PLIN2: variants seen among roughly 807,000 people sequenced by gnomAD.
The protein encoded by PLIN2 is perilipin-2.
PLIN2 carries 33 observed loss-of-function variants against 30.6 expected under a neutral mutation model. The observed-to-expected ratio is 1.08, with a 90% confidence interval of 0.82 to 1.44. PLIN2 has a LOEUF of 1.44. PLIN2 is among the 40% of genes most tolerant of loss of function. The pLI, the probability that PLIN2 is intolerant of heterozygous loss-of-function variation, is 0.00. For synonymous variants in PLIN2, 205 were observed against 201.1 expected, an observed-to-expected ratio of 1.02 and a Z score of -0.16; for missense variants, 610 against 531.8, an observed-to-expected ratio of 1.15 and a Z score of -1.45.
At chr9:19,108,469 G>A (rs1039155009) in exon 3 of PLIN2, 8 of 152,322 alleles carry the variant, frequency 5.3e-5, no homozygotes, top group African/African-American at 1.7e-4. Flanking sequence ...TCTTACAAAA[G>A]TTTAGATCAG....
intron 4 of PLIN2, among the ~76,000 whole-genome samples, chr9:19,122,830 C>T (rs1818340188): frequency 6.6e-6 from 1 of 152,052 alleles, no homozygotes; most frequent in African/African-American, 2.4e-5. Flanking sequence ...CCAAAAACAC[C>T]ACCCACCCCC....
chr9:19,121,631 G>A (rs1416412841), intron 4 of PLIN2, among the ~76,000 whole-genome samples: 2 of 152,100 alleles, frequency 1.3e-5, no homozygotes, highest in African/African-American at 4.8e-5. Flanking sequence ...GGTGTTATTA[G>A]TATGCAGTTA....
Position 19,118,311 on chromosome 9 carries a change from G to C in PLIN2, c.912+10C>G. ...CAGCAACCAACAAATGACCGTCCCA[G>C]TCATCTTACCTCAGCACAGTGGGAC... On this transcript the variant is annotated intron_variant, in intron 7 of 7. Coordinates refer to ENST00000276914, the MANE Select transcript of PLIN2 (RefSeq NM_001122.4). 6.3e-7 allele frequency: 1 copy of C among 1,586,948 alleles called. No individual in the cohort carries two copies. Among genetic ancestry groups the C allele is most frequent in the Non-Finnish European group, 8.5e-7 (1 of 1,169,658 alleles).
chr9:19,122,307 T>C (rs999363219), intron 4 of PLIN2, among the ~76,000 whole-genome samples: 1 of 152,168 alleles, frequency 6.6e-6, no homozygotes, highest in Non-Finnish European at 1.5e-5. Context: ...TGGTCAGCGA[T>C]GGACCACTAT....
intron 5 of PLIN2, among the ~76,000 whole-genome samples, chr9:19,120,193 G>C (rs1010644490): frequency 2.0e-5 from 3 of 151,932 alleles, no homozygotes; most frequent in Middle Eastern, 3.2e-3. Flanking sequence ...CGAGTAGCTA[G>C]GACTCTAGGA....
intron 4 of PLIN2, among the ~76,000 whole-genome samples, chr9:19,122,531 AGGTATATAG>A (rs1818335189): frequency 7.5e-6 from 1 of 132,594 alleles, no homozygotes; most frequent in African/African-American, 2.8e-5. Flanking sequence ...CATATAGCCT[AGGTATATAG>A]CAGGCTATAC....
At chr9:19,123,368 G>A (rs1305775526) in intron 4 of PLIN2, 197 bp downstream of exon 4, 4 of 1,550,950 alleles carry the variant, frequency 2.6e-6, no homozygotes, top group African/African-American at 2.7e-5. Flanking sequence ...AAGGAGGCTA[G>A]TTCTTCTCTG....
intron 6 of PLIN2, among the ~76,000 whole-genome samples, chr9:19,118,957 T>G (rs1302908521): frequency 6.6e-6 from 1 of 152,172 alleles, no homozygotes; most frequent in East Asian, 1.9e-4. Flanking sequence ...CCTCCTAAAG[T>G]GCTGGGATTA....
At position 19,126,233 on chromosome 9, in the gene PLIN2, G is replaced by T; in HGVS notation, c.107C>A (p.Thr36Lys). 6.2e-7 allele frequency: 1 copy of T among 1,614,150 alleles called. No homozygotes were observed. The highest frequency in any genetic ancestry group is 8.5e-7 in the Non-Finnish European group (1 of 1,179,996). ...CTTCAGGTAGGGATACTGGTCCTTTGTACTGAGATAGGCTGAGGACATGAG... is the reference window on the plus strand; with the variant it reads ...CTTCAGGTAGGGATACTGGTCCTTTTTACTGAGATAGGCTGAGGACATGAG... ...YDLMSSAYLS[T>K]KDQYPYLKSV... The change falls in exon 3 of 8, where the codon ACA (threonine) becomes AAA (lysine). Residue 36 changes from threonine to lysine, a missense_variant. Coordinates refer to ENST00000276914, the MANE Select transcript of PLIN2 (RefSeq NM_001122.4).
chr9:19,118,398 C>T lies in PLIN2; in HGVS notation c.835G>A (p.Asp279Asn), dbSNP rs760233067. 5.6e-6 allele frequency: 9 copies of T among 1,613,248 alleles called. No homozygotes were observed. The African/African-American group carries it at 9.3e-5, about 17-fold the overall frequency. ...SANQKIQDAQ[D>N]KLYLSWVEWK... is the part of the protein sequence containing the mutation. ...TCTACCCATGAGAGGTAGAGCTTAT[C>T]CTGAGCATCCTGAATTTTCTGATTG... The change falls in exon 7 of 8, where the codon GAT becomes AAT. Residue 279 changes from aspartate to asparagine, a missense_variant. Asp to Asn is a conservative substitution (Grantham distance 23, BLOSUM62 1). Coordinates refer to ENST00000276914, the MANE Select transcript of PLIN2 (RefSeq NM_001122.4).
chr9:19,123,630 A>T lies in PLIN2; in HGVS notation c.244T>A (p.Tyr82Asn). 2 of 1,613,750 alleles carry T rather than the reference A, an allele frequency of 1.2e-6. No individual in the cohort carries two copies. Among genetic ancestry groups the T allele is most frequent in the Non-Finnish European group, 1.7e-6 (2 of 1,179,698 alleles). The stretch of plus-strand genomic sequence containing the variant: ...ATCCTGTCTAGCCCCTTACAGGCAT[A>T]GGTATTGGCAACTGCAACTAGAATC... ...LEPQIAVANTYACKGLDRIEE... is the reference protein window; with the variant it reads ...LEPQIAVANTNACKGLDRIEE... The change falls in exon 4 of 8, where the codon TAT (tyrosine) becomes AAT (asparagine). Residue 82 changes from tyrosine (Y) to asparagine (N), a missense_variant. Physicochemically the swap from Tyr to Asn is moderately radical, Grantham distance 143. Coordinates refer to ENST00000276914, the MANE Select transcript of PLIN2 (RefSeq NM_001122.4).
intron 4 of PLIN2, chr9:19,123,300 C>A: frequency 6.8e-7 from 1 of 1,479,244 alleles, no homozygotes; most frequent in South Asian, 1.2e-5. Context: ...ACAGCAATTT[C>A]ATTTATAGGA....
chr9:19,121,113 G>C lies in PLIN2; in HGVS notation c.362C>G (p.Thr121Ser). The C allele has an allele frequency of 6.2e-7, 1 of 1,614,150 alleles. No individual in the cohort carries two copies. Among genetic ancestry groups the C allele is most frequent in the Non-Finnish European group, 8.5e-7 (1 of 1,180,016 alleles). ...AGAATCCTTGGCCCCAGTCACAGTA[G>C]TCGTCACAGCATCTTTTGCCCCAGT... ...AVTGAKDAVT[T>S]TVTGAKDSVA... Residue 121 changes from threonine (T) to serine (S), a missense_variant, in exon 5 of 8, where the codon ACT becomes AGT. Coordinates refer to ENST00000276914, the MANE Select transcript of PLIN2 (RefSeq NM_001122.4).
intron 7 of PLIN2, 32 bp from the exon 8 acceptor site, chr9:19,116,681 C>T: frequency 6.3e-7 from 1 of 1,581,702 alleles, no homozygotes. Flanking sequence ...AGCAGTGGAT[C>T]CAACAGTGCT....
chr9:19,111,544 A>C (rs1030646279), downstream of PLIN2, among the ~76,000 whole-genome samples: 68 of 152,102 alleles, frequency 4.5e-4, no homozygotes, highest in African/African-American at 1.6e-3. Context: ...AGTCCTAAAA[A>C]TACGACCTGG....
chr9:19,123,211 T>A, intron 4 of PLIN2: 1 of 737,994 alleles, frequency 1.4e-6, no homozygotes, highest in Non-Finnish European at 2.2e-6. Context: ...CCTGGCAGCA[T>A]TGTACAAGCC....
intron 4 of PLIN2, 139 bp downstream of exon 4, chr9:19,123,426 A>G: frequency 6.4e-7 from 1 of 1,554,038 alleles, no homozygotes; most frequent in Non-Finnish European, 8.7e-7. Flanking sequence ...GGAAGTGGCC[A>G]TTATTTTTCA....
downstream of PLIN2, among the ~76,000 whole-genome samples, chr9:19,114,597 T>A (rs1818196516): frequency 6.6e-6 from 1 of 151,928 alleles, no homozygotes; most frequent in Non-Finnish European, 1.5e-5. Context: ...AGAGAAAGGG[T>A]TTCACGTTGT....
At chr9:19,109,921 A>T (rs1470229417) in intron 2 of PLIN2, among the ~76,000 whole-genome samples, 1 of 151,660 alleles carries the variant, frequency 6.6e-6, no homozygotes, top group East Asian at 1.9e-4. Context: ...GCACCACTGC[A>T]CTCTAGCCTG....
Sources: gnomAD v4.1 joint callset for allele counts (sites outside exome capture counted in the v4.1 genomes callset) on GRCh38, gnomAD v4.1.1 for gene constraint, MANE v1.5 for transcripts, NCBI Gene and HGNC (gene_info 2026-07-23, HGNC 2026-07-21) for gene names.